Variants in ITPR2 observed in about 807,000 individuals in gnomAD.
ITPR2 encodes the protein inositol 1,4,5-trisphosphate-gated calcium channel ITPR2.
A neutral mutation model predicts 317.1 loss-of-function variants in ITPR2; 207 were observed. That is an observed-to-expected ratio of 0.65 (90% confidence interval 0.58 to 0.73). The LOEUF (loss-of-function observed/expected upper bound fraction) is 0.73, where lower values mean the gene tolerates loss of function less well. Among genes scored for constraint, ITPR2 ranks in the 30% least tolerant of loss-of-function variants. The pLI is 0.00. For synonymous variants in ITPR2, 1,156 were observed against 1,149.1 expected (o/e 1.01, Z -0.12); for missense variants, 2,613 against 3,284.0 (o/e 0.80, Z 4.99).
rs752504901 is a variant in ITPR2 at position 26,621,227 on chromosome 12, G to A, written c.3358C>T (p.Arg1120Ter). Residue 1120 changes from arginine (R) to a stop codon, truncating the protein, a stop_gained, in exon 26 of 57, where the codon CGA (arginine) becomes TGA (stop). Coordinates refer to ENST00000381340, the MANE Select transcript of ITPR2 (RefSeq NM_002223.4). LOFTEE classifies it high-confidence loss of function. The stretch of plus-strand genomic sequence containing the variant: ...AGCTCAGACTTTTCTACTGTCAGTC[G>A]AAGCTGGTCTAGATCTGCCTTGATT... ...KQIKADLDQL[R>*]LTVEKSELWV... 12 of 1,613,606 alleles carry A rather than the reference G, an allele frequency of 7.4e-6. No homozygotes were observed. The highest frequency in any genetic ancestry group is 2.2e-5 in the East Asian group (1 of 44,846).
In ITPR2 at chr12:26,486,297, G is replaced by C; in HGVS notation, c.5618C>G (p.Ala1873Gly). ...MKGQLTEASS[A>G]TSKAYCVYRR... ...GTATACACAATATGCTTTGGATGTT[G>C]CTGAAGAAGCTTCTGTTAATTGCCC... Residue 1873 changes from alanine to glycine, a missense_variant, in exon 41 of 57, where the codon GCA (alanine) becomes GGA (glycine). Physicochemically the swap from Ala to Gly is moderately conservative, Grantham distance 60. Around this residue, in one of 9 missense-constraint regions of ITPR2, gnomAD observed 926 missense variants for 1,072.8 expected, o/e 0.86. Coordinates refer to ENST00000381340, the MANE Select transcript of ITPR2 (RefSeq NM_002223.4). 3.7e-6 allele frequency: 6 copies of C among 1,613,454 alleles called. No individual in the cohort carries two copies. Among genetic ancestry groups the C allele is most frequent in the Non-Finnish European group, 5.1e-6 (6 of 1,179,490 alleles).
At chr12:26,769,122 T>C (rs1486822500) in intron 2 of ITPR2, among the ~76,000 whole-genome samples, 1 of 152,070 alleles carries the variant, frequency 6.6e-6, no homozygotes, top group Non-Finnish European at 1.5e-5. Context: ...TAAGTCTCTC[T>C]TTGCAGGGGT....
chr12:26,639,035 T>C (rs1023201176), intron 21 of ITPR2, among the ~76,000 whole-genome samples: 6 of 152,210 alleles, frequency 3.9e-5, no homozygotes, highest in African/African-American at 1.4e-4. Context: ...ATGAGGCGAA[T>C]GTAGCCATCT....
At chr12:26,814,347 C>T (rs929909217) in intron 1 of ITPR2, among the ~76,000 whole-genome samples, 3 of 151,900 alleles carry the variant, frequency 2.0e-5, no homozygotes, top group Non-Finnish European at 4.4e-5. Flanking sequence ...CAAAAAGCAC[C>T]CTAACTAATA....
chr12:26,784,900 C>A (rs1173673314), intron 2 of ITPR2, among the ~76,000 whole-genome samples: 1 of 85,634 alleles, frequency 1.2e-5, no homozygotes, highest in African/African-American at 3.9e-5. Context: ...AAGCGAGGAG[C>A]ACCTCTTCCC....
At chr12:26,704,599 AATAATG>A (rs1275055444) in intron 9 of ITPR2, among the ~76,000 whole-genome samples, 1 of 126,964 alleles carries the variant, frequency 7.9e-6, no homozygotes, top group Non-Finnish European at 1.9e-5. Flanking sequence ...GCTAGTTATT[AATAATG>A]ATAATAATAA....
intron 45 of ITPR2, among the ~76,000 whole-genome samples, chr12:26,453,999 GATGGATAGATGGATGGGTGA>G (rs1941810964): frequency 6.6e-6 from 1 of 152,072 alleles, no homozygotes. Flanking sequence ...ATATTTTTTG[GATGGATAGATGGATGGGTGA>G]ATGGATGGAT....
At chr12:26,440,257 A>T (rs1941453677) in intron 46 of ITPR2, among the ~76,000 whole-genome samples, 1 of 152,188 alleles carries the variant, frequency 6.6e-6, no homozygotes, top group African/African-American at 2.4e-5. Flanking sequence ...ACACGAAAAC[A>T]AAAGTTTTTT....
chr12:26,557,500 G>A (rs1944695991), intron 35 of ITPR2, among the ~76,000 whole-genome samples: 1 of 152,206 alleles, frequency 6.6e-6, no homozygotes, highest in Admixed American at 6.5e-5. Flanking sequence ...GGTGTGTGGG[G>A]AGGTTCTTTC....
rs1182185351 is a variant in ITPR2 at position 26,602,633 on chromosome 12, T to C, written c.3536A>G (p.Tyr1179Cys). The part of the protein sequence containing the change: ...PQIDSNKSNN[Y>C]RIVKEILIRL... ...TCTGCCGACCTCCTTTACAATCCGG[T>C]AGTTATTGCTCTTGTTGCTGTCAAT... Residue 1179 changes from tyrosine (Y) to cysteine (C), a missense_variant, in exon 27 of 57, where the codon TAC (tyrosine) becomes TGC (cysteine). Physicochemically the swap from Tyr to Cys is radical, Grantham distance 194. Around this residue, in one of 9 missense-constraint regions of ITPR2, gnomAD observed 817 missense variants for 897.6 expected, o/e 0.91. Transcript: ENST00000381340. 6.2e-7 allele frequency: 1 copy of C among 1,609,076 alleles called. No individual in the cohort carries two copies. Among genetic ancestry groups the C allele is most frequent in the Non-Finnish European group, 8.5e-7 (1 of 1,176,136 alleles).
At chr12:26,784,552 C>T (rs1209838261) in intron 2 of ITPR2, among the ~76,000 whole-genome samples, 1 of 151,626 alleles carries the variant, frequency 6.6e-6, no homozygotes, top group Non-Finnish European at 1.5e-5. Flanking sequence ...CTGTGTTGGC[C>T]GGGCTGGTCT....
At chr12:26,357,992 C>T (rs1368067740) in intron 55 of ITPR2, among the ~76,000 whole-genome samples, 1 of 152,184 alleles carries the variant, frequency 6.6e-6, no homozygotes, top group South Asian at 2.1e-4. Context: ...ACAAAGAGAG[C>T]TACAGAAGCT....
At chr12:26,660,991 T>A (rs4964013) in intron 15 of ITPR2, among the ~76,000 whole-genome samples, 127,505 of 151,282 alleles carry the variant, frequency 0.84, 53,795 homozygotes, top group Admixed American at 0.89. Flanking sequence ...AGAACATTTT[T>A]AAATGTTCTA....
At position 26,597,237 on chromosome 12, in the gene ITPR2, A is replaced by T. The variant is rs1945870182; in HGVS notation, c.4003-103T>A. On this transcript the variant is annotated intron_variant, in intron 30 of 56. Transcript: ENST00000381340. Reference sequence around the variant, plus strand: ...TGGAAACACGTATATCTCTTCGTAAAAACATATATAATACGGCAAAGACAG... The same window carrying T: ...TGGAAACACGTATATCTCTTCGTAATAACATATATAATACGGCAAAGACAG... The T allele has an allele frequency of 4.8e-6, 6 of 1,243,758 alleles. No individual in the cohort carries two copies. The East Asian group carries it at 1.4e-4, about 29-fold the overall frequency. 77.0% of individuals were successfully genotyped at this position (1,243,758 alleles called of 1,614,324 possible).
chr12:26,536,597 C>T (rs548291665), intron 37 of ITPR2, among the ~76,000 whole-genome samples: 1 of 152,298 alleles, frequency 6.6e-6, no homozygotes, highest in African/African-American at 2.4e-5. Flanking sequence ...AATTAGCAAT[C>T]ATGGAGTAGC....
At chr12:26,631,821 A>C (rs1183410771) in intron 22 of ITPR2, 45 bp downstream of exon 22, 1 of 1,555,180 alleles carries the variant, frequency 6.4e-7, no homozygotes, top group African/African-American at 1.4e-5. Context: ...TAAATCAATA[A>C]GCAAAATTAC....
Position 26,602,505 on chromosome 12 carries a change from G to A in ITPR2, c.3553-10C>T. ...TTAGCCTGATCAAAATCTTTAAAAG[G>A]AAGAGGGAAAGCATCAAATATAATA... On this transcript the variant is annotated splice_polypyrimidine_tract_variant and intron_variant, in intron 27 of 56. Coordinates refer to ENST00000381340, the MANE Select transcript of ITPR2 (RefSeq NM_002223.4). 1 of 1,606,404 alleles carries A rather than the reference G, an allele frequency of 6.2e-7. No individual in the cohort carries two copies. The highest frequency in any genetic ancestry group is 8.5e-7 in the Non-Finnish European group (1 of 1,176,136).
chr12:26,676,695 T>G (rs1350679899), intron 13 of ITPR2, among the ~76,000 whole-genome samples: 1 of 151,536 alleles, frequency 6.6e-6, no homozygotes, highest in East Asian at 1.9e-4. Flanking sequence ...AAAAATATAA[T>G]TAATCACTAA....
intron 34 of ITPR2, among the ~76,000 whole-genome samples, chr12:26,570,183 G>A (rs1278967153): frequency 6.6e-6 from 1 of 152,060 alleles, no homozygotes; most frequent in Non-Finnish European, 1.5e-5. Context: ...TGTTATTTCT[G>A]TACATGTTAT....
Sources: gnomAD v4.1 joint callset for allele counts (sites outside exome capture counted in the v4.1 genomes callset) on GRCh38, gnomAD v4.1.1 for gene constraint, gnomAD v4.1.1 regional missense constraint, MANE v1.5 for transcripts, NCBI Gene and HGNC (gene_info 2026-07-23, HGNC 2026-07-21) for gene names.